The following PDE3A variants were observed in gnomAD, a reference collection of about 807,000 sequenced individuals.
PDE3A encodes phosphodiesterase 3A.
In PDE3A, 43 loss-of-function variants were observed where a neutral mutation model predicts 98.3. That is an observed-to-expected ratio of 0.44 (90% CI 0.34 to 0.56). PDE3A has a LOEUF of 0.56. PDE3A is among the 20% of genes least tolerant of loss of function. PDE3A has a pLI of 0.01. For synonymous variants in PDE3A, 663 were observed against 567.9 expected (o/e 1.17, Z -2.38); for missense variants, 1,427 against 1,440.7 (o/e 0.99, Z 0.15).
intron 1 of PDE3A, among the ~76,000 whole-genome samples, chr12:20,518,556 A>C (rs1391506305): frequency 1.8e-5 from 1 of 54,450 alleles, no homozygotes; most frequent in Non-Finnish European, 3.7e-5. Flanking sequence ...TATGTAAACT[A>C]TTCTGTCATT....
intron 1 of PDE3A, among the ~76,000 whole-genome samples, chr12:20,378,656 C>A (rs755920832): frequency 1.3e-5 from 2 of 151,688 alleles, no homozygotes; most frequent in Non-Finnish European, 3.0e-5. Context: ...CTGGTAAAAG[C>A]TGACTTAATT....
chr12:20,495,977 T>A (rs923193805), intron 1 of PDE3A, among the ~76,000 whole-genome samples: 2 of 152,212 alleles, frequency 1.3e-5, no homozygotes, highest in Non-Finnish European at 2.9e-5. Context: ...AAATAAATCA[T>A]TTAATTTTTA....
chr12:20,601,993 T>A (rs1335713147), intron 2 of PDE3A, among the ~76,000 whole-genome samples: 1 of 152,218 alleles, frequency 6.6e-6, no homozygotes, highest in African/African-American at 2.4e-5. Flanking sequence ...GCTTTCTGAG[T>A]TCGTACTTAT....
intron 8 of PDE3A, among the ~76,000 whole-genome samples, chr12:20,635,600 G>C: frequency 7.5e-6 from 1 of 133,160 alleles, no homozygotes; most frequent in South Asian, 2.5e-4. Context: ...AAGAAAGAAA[G>C]AAATTACCCA....
chr12:20,554,187 A>G (rs775108082), intron 1 of PDE3A, among the ~76,000 whole-genome samples: 2 of 151,576 alleles, frequency 1.3e-5, no homozygotes, highest in Non-Finnish European at 2.9e-5. Flanking sequence ...ATTTTAAATC[A>G]CATACCTGCA....
intron 5 of PDE3A, among the ~76,000 whole-genome samples, chr12:20,629,249 A>G (rs1052674397): frequency 6.6e-6 from 1 of 152,166 alleles, no homozygotes; most frequent in African/African-American, 2.4e-5. Flanking sequence ...AGTTTGGCCC[A>G]AATACCCATA....
chr12:20,370,300 G>A (rs765469223), intron 1 of PDE3A, 56 bp downstream of exon 1: 5 of 1,449,596 alleles, frequency 3.4e-6, no homozygotes, highest in Non-Finnish European at 4.6e-6. Context: ...CTTGGCAACC[G>A]GCGCAGAGTG....
At chr12:20,568,774 A>G (rs1374146391) in intron 2 of PDE3A, among the ~76,000 whole-genome samples, 3 of 152,056 alleles carry the variant, frequency 2.0e-5, no homozygotes, top group South Asian at 2.1e-4. Context: ...TCCCATTAAT[A>G]GATATATACT....
At chr12:20,385,382 G>A (rs990636319) in intron 1 of PDE3A, among the ~76,000 whole-genome samples, 30 of 151,942 alleles carry the variant, frequency 2.0e-4, no homozygotes, top group African/African-American at 5.6e-4. Context: ...ACAGTGTGGC[G>A]ATTCCTCAGG....
chr12:20,481,764 A>ATTTTTGTT (rs1945630072), intron 1 of PDE3A, among the ~76,000 whole-genome samples: 1 of 79,584 alleles, frequency 1.3e-5, no homozygotes, highest in African/African-American at 5.2e-5. Flanking sequence ...TGGGAAATAG[A>ATTTTTGTT]TTTTTTTTTT....
chr12:20,559,070 A>G (rs1380078980), intron 2 of PDE3A, among the ~76,000 whole-genome samples: 3 of 152,208 alleles, frequency 2.0e-5, no homozygotes, highest in Admixed American at 1.3e-4. Flanking sequence ...GCAACATTAC[A>G]TACAGTATGT....
At chr12:20,488,574 T>C (rs532233339) in intron 1 of PDE3A, among the ~76,000 whole-genome samples, 1 of 152,282 alleles carries the variant, frequency 6.6e-6, no homozygotes, top group East Asian at 1.9e-4. Flanking sequence ...TACACCAGTA[T>C]GTAATCCCAG....
chr12:20,416,033 A>G (rs192634833), intron 1 of PDE3A, among the ~76,000 whole-genome samples: 107 of 152,358 alleles, frequency 7.0e-4, no homozygotes, highest in African/African-American at 2.5e-3. Context: ...TGGTAGATCT[A>G]AAATGAATAC....
In PDE3A at chr12:20,534,782, T is replaced by A. The variant is rs912036141; in HGVS notation, c.961-21878T>A. Among the ~76,000 whole-genome samples, 7 of 152,228 alleles carry A rather than the reference T, an allele frequency of 4.6e-5. No individual in the cohort carries two copies. In the East Asian group the frequency reaches 1.3e-3, roughly 29 times the overall value. On this transcript the variant is annotated intron_variant, in intron 1 of 15. Coordinates refer to ENST00000359062, the MANE Select transcript of PDE3A (RefSeq NM_000921.5). ...TTTTCTAATTTATTAGGCTTTGCTT[T>A]TTTGGGAAGTAAATTATACCTGTTG...
In PDE3A at chr12:20,648,898, A is replaced by G. The variant is rs373676418; in HGVS notation, c.2769+7A>G. The G allele has an allele frequency of 1.8e-5, 27 of 1,509,142 alleles. No individual in the cohort carries two copies. The African/African-American group carries it at 3.3e-4, about 18-fold the overall frequency. 93.5% of individuals were successfully genotyped at this position (1,509,142 alleles called of 1,614,324 possible). A position where few individuals can be genotyped will look rare whatever the true frequency, so the allele number is the denominator to read the frequency against. ...AGCCAAATTTAATGGCAAGGTAAAT[A>G]GAGCTGTACCCAGTTTTCTTTTCTT... On this transcript the variant is annotated splice_region_variant and intron_variant, in intron 13 of 15. Coordinates refer to ENST00000359062, the MANE Select transcript of PDE3A (RefSeq NM_000921.5).
chr12:20,369,483 G>A lies in PDE3A; in HGVS notation c.199G>A (p.Ala67Thr). Residue 67 changes from alanine (A) to threonine (T), a missense_variant, in exon 1 of 16, where the codon GCG becomes ACG. This residue lies in a region of PDE3A where 1,012 missense variants were observed against 886.5 expected (regional missense o/e 1.14). Transcript: ENST00000359062. ...SSRKLSSALCAGSLSFLLALL... is the reference protein window; with the variant it reads ...SSRKLSSALCTGSLSFLLALL... Reference sequence around the variant, plus strand: ...TCGGAAACTTTCCTCCGCGCTGTGCGCGGGCTCCCTGTCCTTTCTGCTGGC... The same window carrying A: ...TCGGAAACTTTCCTCCGCGCTGTGCACGGGCTCCCTGTCCTTTCTGCTGGC... 6.4e-7 allele frequency: 1 copy of A among 1,556,950 alleles called. No homozygotes were observed. Among genetic ancestry groups the A allele is most frequent in the Non-Finnish European group, 8.7e-7 (1 of 1,150,936 alleles).
chr12:20,384,124 C>T (rs1943705973), intron 1 of PDE3A, among the ~76,000 whole-genome samples: 1 of 151,418 alleles, frequency 6.6e-6, no homozygotes, highest in Non-Finnish European at 1.5e-5. Context: ...TTTTAGAGAC[C>T]AAATAATAAA....
At chr12:20,504,413 C>T (rs1392140148) in intron 1 of PDE3A, among the ~76,000 whole-genome samples, 1 of 152,004 alleles carries the variant, frequency 6.6e-6, no homozygotes, top group Non-Finnish European at 1.5e-5. Flanking sequence ...ATTAAAGAGA[C>T]CATATTCTTC....
intron 1 of PDE3A, among the ~76,000 whole-genome samples, chr12:20,399,845 C>A (rs1292190022): frequency 6.6e-6 from 1 of 152,124 alleles, no homozygotes; most frequent in Non-Finnish European, 1.5e-5. Flanking sequence ...CCATATATGA[C>A]AAGGCTTTTA....
Sources: allele counts gnomAD v4.1 joint callset (sites outside exome capture counted in the v4.1 genomes callset), GRCh38; gene constraint gnomAD v4.1.1; regional missense constraint gnomAD v4.1.1; transcripts MANE v1.5; gene names NCBI Gene and HGNC (gene_info 2026-07-23, HGNC 2026-07-21).